Variants in SLC2A9 observed in about 807,000 individuals in gnomAD.
SLC2A9 encodes the protein solute carrier family 2 member 9, also known as solute carrier family 2, facilitated glucose transporter member 9.
SLC2A9 carries 39 observed loss-of-function variants against 50.6 expected under a neutral mutation model. The observed-to-expected ratio is 0.77, with a 90% CI of 0.60 to 1.01. SLC2A9 has a LOEUF of 1.01. Among genes scored for constraint, SLC2A9 ranks in the 50% least tolerant of loss-of-function variants. The pLI is 0.00. For synonymous variants in SLC2A9, 324 were observed against 276.9 expected, an observed-to-expected ratio of 1.17 and a Z score of -1.69; for missense variants, 686 against 677.6, an observed-to-expected ratio of 1.01 and a Z score of -0.14.
chr4:9,956,327 C>A (rs1283841562), intron 5 of SLC2A9, among the ~76,000 whole-genome samples: 16 of 150,266 alleles, frequency 1.1e-4, no homozygotes, highest in African/African-American at 1.2e-4. Flanking sequence ...ACTAAAAATA[C>A]AAAAAAAAAT....
upstream of SLC2A9, chr4:10,025,806 C>T: frequency 2.6e-6 from 3 of 1,169,568 alleles, no homozygotes; most frequent in East Asian, 2.4e-5. Flanking sequence ...TGCCCAGCTT[C>T]ACCTTAACAG....
downstream of SLC2A9, chr4:9,771,036 C>A (rs961392102): frequency 6.5e-6 from 1 of 153,500 alleles, no homozygotes; most frequent in East Asian, 1.9e-4. Context: ...CCTCCCCCAG[C>A]GTTAGCATCA....
At chr4:9,985,865 G>A (rs1756628282) in intron 3 of SLC2A9, 72 bp from the exon 4 acceptor site, 2 of 1,605,780 alleles carry the variant, frequency 1.2e-6, no homozygotes, top group Admixed American at 1.7e-5. Context: ...CATCCCAGGA[G>A]CAGGAGCCAG....
chr4:9,852,239 C>A (rs11726221), intron 10 of SLC2A9, among the ~76,000 whole-genome samples: 69,839 of 148,036 alleles, frequency 0.47, 19,138 homozygotes, highest in Non-Finnish European at 0.63. Context: ...GGGCCTATAT[C>A]CAGTATTCTT....
At chr4:9,867,062 C>T (rs916954700) in intron 10 of SLC2A9, among the ~76,000 whole-genome samples, 1 of 152,206 alleles carries the variant, frequency 6.6e-6, no homozygotes, top group African/African-American at 2.4e-5. Context: ...TGAATCTTGC[C>T]TTTCCTCAGT....
intron 3 of SLC2A9, among the ~76,000 whole-genome samples, chr4:9,784,687 A>G (rs1326998347): frequency 6.6e-6 from 1 of 152,238 alleles, no homozygotes; most frequent in Non-Finnish European, 1.5e-5. Context: ...TGCAGTGTGC[A>G]CAGCCAAGGG....
intron 5 of SLC2A9, among the ~76,000 whole-genome samples, chr4:9,944,857 T>G (rs2108796870): frequency 6.6e-6 from 1 of 152,320 alleles, no homozygotes; most frequent in Non-Finnish European, 1.5e-5. Context: ...AAAGTGTGAC[T>G]GGGTGTGTGG....
At chr4:9,889,671 A>C (rs1168396607) in intron 9 of SLC2A9, among the ~76,000 whole-genome samples, 1 of 152,210 alleles carries the variant, frequency 6.6e-6, no homozygotes, top group African/African-American at 2.4e-5. Context: ...TTGGGCCACT[A>C]AGACATTTGA....
chr4:10,031,947 G>A (rs1763952224), intron 1 of SLC2A9, among the ~76,000 whole-genome samples: 1 of 152,226 alleles, frequency 6.6e-6, no homozygotes, highest in Admixed American at 6.5e-5. Flanking sequence ...CTCTGACAGA[G>A]GCAAAACAGG....
chr4:9,836,166 G>C (rs1727069815), intron 10 of SLC2A9, among the ~76,000 whole-genome samples: 1 of 151,150 alleles, frequency 6.6e-6, no homozygotes, highest in Non-Finnish European at 1.5e-5. Flanking sequence ...GTGGGAGGGG[G>C]GTGAGTTATA....
intron 3 of SLC2A9, among the ~76,000 whole-genome samples, chr4:9,810,989 C>T (rs540173716): frequency 5.9e-5 from 9 of 152,242 alleles, no homozygotes; most frequent in Admixed American, 3.9e-4. Flanking sequence ...TTCTGGTTTG[C>T]GGGAGATTCC....
chr4:10,028,541 A>G (rs1187466321), intron 1 of SLC2A9, among the ~76,000 whole-genome samples: 1 of 150,938 alleles, frequency 6.6e-6, no homozygotes, highest in Non-Finnish European at 1.5e-5. Context: ...GAAGGACAAC[A>G]TTATCCCTGC....
chr4:9,833,554 G>T (rs1021086438), intron 11 of SLC2A9, among the ~76,000 whole-genome samples: 22 of 152,276 alleles, frequency 1.4e-4, no homozygotes, highest in African/African-American at 5.1e-4. Flanking sequence ...AGCCATGCAT[G>T]GGGGAGGGTG....
intron 8 of SLC2A9, among the ~76,000 whole-genome samples, chr4:9,893,852 T>C (rs1738023187): frequency 6.6e-6 from 1 of 152,200 alleles, no homozygotes; most frequent in African/African-American, 2.4e-5. Flanking sequence ...GTGTAACTCA[T>C]ACTAATTTCA....
At chr4:9,820,356 C>T (rs886269024) in intron 3 of SLC2A9, among the ~76,000 whole-genome samples, 4 of 152,172 alleles carry the variant, frequency 2.6e-5, no homozygotes, top group Non-Finnish European at 5.9e-5. Context: ...GTCCTGATTG[C>T]TGTAGAATTA....
chr4:9,995,782 A>G lies in SLC2A9; in HGVS notation c.410+999T>C, dbSNP rs370373933. ...CCTGCAGGTAGAAACTATCATCCCT[A>G]TTTTACAGATAAGAAAATTGAGGCT... On this transcript the variant is annotated intron_variant, in intron 3 of 11. Coordinates refer to ENST00000264784, the MANE Select transcript of SLC2A9 (RefSeq NM_020041.3). 14 of 152,326 alleles carry G rather than the reference A, an allele frequency of 9.2e-5. No homozygotes were observed. In the East Asian group the frequency reaches 2.1e-3, roughly 23 times the overall value. 9.4% of individuals were successfully genotyped at this position (152,326 alleles called of 1,614,324 possible). A position where few individuals can be genotyped will look rare whatever the true frequency, so the allele number is the denominator to read the frequency against.
chr4:10,000,389 G>C (rs902067301), intron 2 of SLC2A9, among the ~76,000 whole-genome samples: 7 of 152,182 alleles, frequency 4.6e-5, no homozygotes, highest in Non-Finnish European at 8.8e-5. Context: ...TTGGCTGCAA[G>C]TAACAGGAAA....
chr4:9,988,683 G>GT (rs924367533), intron 3 of SLC2A9, among the ~76,000 whole-genome samples: 2 of 152,316 alleles, frequency 1.3e-5, no homozygotes, highest in East Asian at 1.9e-4. Flanking sequence ...CTGATTCATT[G>GT]TTTTTAGCTT....
chr4:9,913,140 T>G (rs1450859397), intron 7 of SLC2A9, among the ~76,000 whole-genome samples: 2 of 152,172 alleles, frequency 1.3e-5, no homozygotes, highest in Non-Finnish European at 2.9e-5. Context: ...GCCTCCAGAA[T>G]TGTAAGATAA....
Sources: gnomAD v4.1 joint callset for allele counts (sites outside exome capture counted in the v4.1 genomes callset) on GRCh38, gnomAD v4.1.1 for gene constraint, MANE v1.5 for transcripts, NCBI Gene and HGNC (gene_info 2026-07-23, HGNC 2026-07-21) for gene names.